IFT172: variants seen among roughly 807,000 people sequenced by gnomAD.
IFT172 encodes the protein intraflagellar transport 172, also known as intraflagellar transport protein 172 homolog.
In IFT172, 164 loss-of-function variants were observed where a neutral mutation model predicts 248.9. The ratio of observed to expected loss-of-function variants is 0.66; its 90% confidence interval spans 0.58 to 0.75. The LOEUF (loss-of-function observed/expected upper bound fraction) is 0.75, where lower values mean the gene tolerates loss of function less well. Ranked by LOEUF, IFT172 falls within the 30% of genes least tolerant of loss-of-function variation. The probability of loss-of-function intolerance (pLI) is 0.00; values close to 1 mark genes in which losing one functional copy is unlikely to be tolerated. For missense variants in IFT172, 1,950 were observed against 2,192.4 expected (o/e 0.89, Z 2.21); for synonymous variants, 729 against 791.6 (o/e 0.92, Z 1.33).
intron 33 of IFT172, 97 bp downstream of exon 33, chr2:27,453,885 C>A: frequency 1.4e-6 from 2 of 1,436,212 alleles, no homozygotes; most frequent in Non-Finnish European, 1.9e-6. Flanking sequence ...CAATACTAAC[C>A]TCCCTGATCT....
intron 18 of IFT172, 84 bp downstream of exon 18, chr2:27,465,326 CG>C: frequency 8.9e-7 from 1 of 1,120,120 alleles, no homozygotes; most frequent in Non-Finnish European, 1.4e-6. Context: ...ACCTTAACAC[CG>C]GATTGGAGTA....
At position 27,453,479 on chromosome 2, in the gene IFT172, A is replaced by G. The variant is rs1359643334; in HGVS notation, c.3856T>C (p.Trp1286Arg). 6.2e-7 allele frequency: 1 copy of G among 1,614,122 alleles called. No homozygotes were observed. Among genetic ancestry groups the G allele is most frequent in the Non-Finnish European group, 8.5e-7 (1 of 1,180,004 alleles). ...VEGFVEQARH[W>R]EQAGEYSRAV... ...CGGCTGTACTCTCCAGCCTGCTCCC[A>G]GTGTCGAGCTTGTTCCACAAATCCC... The change falls in exon 35 of 48, where the codon TGG becomes CGG. Residue 1286 changes from tryptophan (W) to arginine (R), a missense_variant. Physicochemically the swap from Trp to Arg is moderately radical, Grantham distance 101. Transcript: ENST00000260570.
Position 27,445,219 on chromosome 2 carries a change from A to T in IFT172, c.5068+77T>A. The T allele has an allele frequency of 1.3e-6, 2 of 1,579,166 alleles. No individual in the cohort carries two copies. Among genetic ancestry groups the T allele is most frequent in the Non-Finnish European group, 1.7e-6 (2 of 1,160,168 alleles). On this transcript the variant is annotated intron_variant, in intron 46 of 47. Coordinates refer to ENST00000260570, the MANE Select transcript of IFT172 (RefSeq NM_015662.3). This position sits in a 1 kb window ranked among gnomAD's most constrained non-coding sequence, Gnocchi z 4.4. The stretch of plus-strand genomic sequence containing the variant: ...TCCTGTCTTTTGTACCCTTTACTGA[A>T]TCCTAGTAAAATTAAGTTTATTGAT...
intron 23 of IFT172, among the ~76,000 whole-genome samples, chr2:27,460,035 A>C (rs1292957414): frequency 6.6e-6 from 1 of 151,946 alleles, no homozygotes; most frequent in Non-Finnish European, 1.5e-5. Context: ...AAAGAAGTAG[A>C]CATAGGAGAC....
intron 38 of IFT172, 37 bp downstream of exon 38, chr2:27,449,462 C>T (rs1432675781): frequency 6.2e-7 from 1 of 1,613,952 alleles, no homozygotes; most frequent in Non-Finnish European, 8.5e-7. Context: ...TGAGTCTCTC[C>T]CTGCATTCTG....
chr2:27,486,831 A>G (rs1426379834), intron 1 of IFT172, among the ~76,000 whole-genome samples: 2 of 152,198 alleles, frequency 1.3e-5, no homozygotes, highest in Non-Finnish European at 1.5e-5. Flanking sequence ...TAGGGCGGAG[A>G]AATTTTTAAA....
At position 27,477,247 on chromosome 2, in the gene IFT172, C is replaced by T. The variant is rs1327376049; in HGVS notation, c.1295G>A (p.Arg432His). 4 of 1,613,940 alleles carry T rather than the reference C, an allele frequency of 2.5e-6. No homozygotes were observed. The highest frequency in any genetic ancestry group is 1.7e-5 in the Admixed American group (1 of 59,996). The change falls in exon 13 of 48, where the codon CGC (arginine) becomes CAC (histidine). Residue 432 changes from arginine to histidine, a missense_variant. By Grantham distance (29) the Arg-to-His change is conservative (BLOSUM62 0). Transcript: ENST00000260570. ...GAGGTGGGGGTTCATGAATTCAGTGCGTACAGAACCCAGGGTGTCATTATT... is the reference window on the plus strand; with the variant it reads ...GAGGTGGGGGTTCATGAATTCAGTGTGTACAGAACCCAGGGTGTCATTATT... Reference protein sequence around the residue: ...YGNNDTLGSVRTEFMNPHLIS... With the variant: ...YGNNDTLGSVHTEFMNPHLIS...
intron 23 of IFT172, 35 bp downstream of exon 23, chr2:27,460,980 A>T (rs769093293): frequency 6.2e-7 from 1 of 1,613,984 alleles, no homozygotes; most frequent in Non-Finnish European, 8.5e-7. Context: ...GCAAGAGTCC[A>T]CAACAGTAAA....
At chr2:27,474,495 G>A (rs1572805387) in intron 14 of IFT172, among the ~76,000 whole-genome samples, 2 of 152,252 alleles carry the variant, frequency 1.3e-5, no homozygotes, top group Non-Finnish European at 1.5e-5. Flanking sequence ...ATATAGGAGG[G>A]AATAGGAAAG....
chr2:27,463,301 G>A, intron 18 of IFT172, 120 bp from the exon 19 acceptor site: 2 of 905,924 alleles, frequency 2.2e-6, no homozygotes, highest in Non-Finnish European at 3.4e-6. Flanking sequence ...TCTTGTCACT[G>A]GAGACATATA....
At chr2:27,446,757 T>A (rs2148470241) in intron 42 of IFT172, among the ~76,000 whole-genome samples, 1 of 136,510 alleles carries the variant, frequency 7.3e-6, no homozygotes, top group East Asian at 2.2e-4. Context: ...CGGACTGCAG[T>A]GGCGCAATCT....
Position 27,480,129 on chromosome 2 carries a change from A to T in IFT172, c.806T>A (p.Ile269Asn). The change falls in exon 9 of 48, where the codon ATC (isoleucine) becomes AAC (asparagine). Residue 269 changes from isoleucine to asparagine, a missense_variant. Transcript: ENST00000260570. ...CTCTTCCCAGATGCTTCTTCGAGGGATCCAGTTGAACACCCGAAGCCTGAA... is the reference window on the plus strand; with the variant it reads ...CTCTTCCCAGATGCTTCTTCGAGGGTTCCAGTTGAACACCCGAAGCCTGAA... The part of the protein sequence containing the change: ...SYDRLRVFNW[I>N]PRRSIWEEAK... 6.2e-7 allele frequency: 1 copy of T among 1,614,026 alleles called. No homozygotes were observed. The highest frequency in any genetic ancestry group is 8.5e-7 in the Non-Finnish European group (1 of 1,179,938).
intron 10 of IFT172, among the ~76,000 whole-genome samples, chr2:27,478,487 A>G (rs1007561544): frequency 6.6e-6 from 1 of 152,194 alleles, no homozygotes; most frequent in Admixed American, 6.5e-5. Context: ...CAGTTGATTG[A>G]CTGACTTGAC....
chr2:27,461,053 G>T lies in IFT172; in HGVS notation c.2483C>A (p.Ala828Asp). ...GTTGCCTTTACGGTAGCACTCCAGG[G>T]CCTTCTGTGGATTGTGAATCTTCTC... is the stretch of plus-strand genomic sequence containing the variant. Reference protein sequence around the residue: ...LFEKIHNPQKALECYRKGNAF... With the variant: ...LFEKIHNPQKDLECYRKGNAF... The change falls in exon 23 of 48, where the codon GCC becomes GAC. Residue 828 changes from alanine to aspartate, a missense_variant. Transcript: ENST00000260570. 6.2e-7 allele frequency: 1 copy of T among 1,614,068 alleles called. No homozygotes were observed. The highest frequency in any genetic ancestry group is 8.5e-7 in the Non-Finnish European group (1 of 1,180,006).
At position 27,467,396 on chromosome 2, in the gene IFT172, G is replaced by A. The variant is rs188849501; in HGVS notation, c.1693-1514C>T. Among the ~76,000 whole-genome samples the A allele has an allele frequency of 2.2e-3, 217 of 100,050 alleles. 2 individuals carry two copies. The highest frequency in any genetic ancestry group is 7.6e-3 in the African/African-American group (202 of 26,698). 65.6% of individuals were successfully genotyped at this position (100,050 alleles called of 152,430 possible). On this transcript the variant is annotated intron_variant, in intron 16 of 47. Coordinates refer to ENST00000260570, the MANE Select transcript of IFT172 (RefSeq NM_015662.3). ...GAGACCAGCCTGGGAAACACAGTGA[G>A]AACTTGTCTTTACAGAAAATTGAAA...
intron 14 of IFT172, among the ~76,000 whole-genome samples, chr2:27,475,035 A>G (rs1157791389): frequency 6.6e-6 from 1 of 152,230 alleles, no homozygotes; most frequent in Non-Finnish European, 1.5e-5. Flanking sequence ...ATCAATGAGG[A>G]AGAGACACTC....
At chr2:27,463,704 G>T (rs546696134) in intron 18 of IFT172, among the ~76,000 whole-genome samples, 2 of 152,238 alleles carry the variant, frequency 1.3e-5, no homozygotes, top group Admixed American at 1.3e-4. Flanking sequence ...TCTCTCTGAT[G>T]AACTGACATT....
At position 27,483,334 on chromosome 2, in the gene IFT172, G is replaced by T; in HGVS notation, c.525C>A (p.Thr175=). The T allele has an allele frequency of 1.2e-6, 2 of 1,607,572 alleles. No individual in the cohort carries two copies. Among genetic ancestry groups the T allele is most frequent in the Non-Finnish European group, 1.7e-6 (2 of 1,174,202 alleles). The part of the protein sequence containing the change: ...KGILSGHADG[T]IVRYFFDDEG... ...CATCATCAAAGAAATACCTAACGAT[G>T]GTACCATCTGCATGACCAGAGAGAA... The change falls in exon 7 of 48, where the codon ACC becomes ACA. Residue 175 remains threonine (T), a synonymous_variant. Coordinates refer to ENST00000260570, the MANE Select transcript of IFT172 (RefSeq NM_015662.3).
chr2:27,483,847 CTT>C (rs1668560914), intron 5 of IFT172, 23 bp downstream of exon 5: 1 of 1,590,116 alleles, frequency 6.3e-7, no homozygotes, highest in Non-Finnish European at 8.6e-7. Flanking sequence ...CACCCCCTCT[CTT>C]GTGTTTCCCT....
Sources: gnomAD v4.1 joint callset for allele counts (sites outside exome capture counted in the v4.1 genomes callset) on GRCh38, gnomAD v4.1.1 for gene constraint, Gnocchi (gnomAD v3.1) non-coding constraint, MANE v1.5 for transcripts, NCBI Gene and HGNC (gene_info 2026-07-23, HGNC 2026-07-21) for gene names.